The following AP4S1 variants were observed in gnomAD, a reference collection of about 807,000 sequenced individuals.
AP4S1 encodes adaptor related protein complex 4 subunit sigma 1, also known as AP-4 complex subunit sigma-1.
Under a neutral mutation model 19.8 loss-of-function variants are expected in AP4S1, and 23 were observed. The ratio of observed to expected loss-of-function variants is 1.16; its 90% CI spans 0.84 to 1.65. AP4S1 has a LOEUF of 1.65. Ranked by LOEUF, AP4S1 falls within the 40% of genes most tolerant of loss-of-function variation. AP4S1 has a pLI of 0.00. For missense variants in AP4S1, 166 were observed against 172.8 expected (o/e 0.96, Z 0.22); for synonymous variants, 46 against 54.1 (o/e 0.85, Z 0.66).
rs192279060 is a variant in AP4S1 at position 31,040,901 on chromosome 14, C to T, written c.-72+15114C>T. Among the ~76,000 whole-genome samples, 602 of 151,364 alleles carry T rather than the reference C, an allele frequency of 4.0e-3. 2 individuals are homozygous for T. Among genetic ancestry groups the T allele is most frequent in the Non-Finnish European group, 6.7e-3 (457 of 67,828 alleles). On this transcript the variant is annotated intron_variant, in intron 1 of 5. Transcript: ENST00000542754. ...AGATGTACATAACATGGTGAAACCC[C>T]GTCTCTACTAAAAATACAAAAAATT... is the stretch of plus-strand genomic sequence containing the variant.
intron 1 of AP4S1, among the ~76,000 whole-genome samples, chr14:31,055,442 A>T (rs1173709132): frequency 6.6e-6 from 1 of 152,148 alleles, no homozygotes; most frequent in African/African-American, 2.4e-5. Flanking sequence ...TACATATCCT[A>T]ACTCCTTTAA....
chr14:31,089,018 T>A (rs1888001987), intron 5 of AP4S1, among the ~76,000 whole-genome samples: 1 of 150,602 alleles, frequency 6.6e-6, no homozygotes, highest in Admixed American at 6.7e-5. Context: ...AGAAATTAGA[T>A]GGGCGTGGCA....
chr14:31,055,453 T>C (rs1433773872), intron 1 of AP4S1, among the ~76,000 whole-genome samples: 1 of 152,178 alleles, frequency 6.6e-6, no homozygotes, highest in Non-Finnish European at 1.5e-5. Flanking sequence ...ACTCCTTTAA[T>C]TCTCACAACA....
At chr14:31,029,164 T>C (rs946771253) in intron 1 of AP4S1, among the ~76,000 whole-genome samples, 3 of 152,190 alleles carry the variant, frequency 2.0e-5, no homozygotes, top group African/African-American at 7.2e-5. Context: ...CTCAGTAATA[T>C]CTTTCCTGTG....
chr14:31,062,750 G>A (rs574199205), intron 1 of AP4S1, among the ~76,000 whole-genome samples: 7 of 150,214 alleles, frequency 4.7e-5, no homozygotes, highest in South Asian at 2.1e-4. Flanking sequence ...GGCGGATCAC[G>A]AGGTCAGGAG....
intron 5 of AP4S1, among the ~76,000 whole-genome samples, chr14:31,081,466 C>T (rs763919901): frequency 1.3e-5 from 2 of 152,118 alleles, no homozygotes; most frequent in Non-Finnish European, 2.9e-5. Flanking sequence ...AAAACAAGCA[C>T]GATTTGCTTA....
intron 1 of AP4S1, chr14:31,026,104 G>A: frequency 6.6e-7 from 1 of 1,526,484 alleles, no homozygotes; most frequent in South Asian, 1.2e-5. Context: ...GAAAGGCCCA[G>A]GTTCCCCCCA....
rs1184006462 is a variant in AP4S1 at position 31,058,517 on chromosome 14, C to G, written c.-71-7609C>G. 6.5e-5 allele frequency among the ~76,000 whole-genome samples: 9 copies of G among 139,462 alleles called. No individual in the cohort carries two copies. The South Asian group carries it at 9.9e-4, about 15-fold the overall frequency. 91.5% of individuals were successfully genotyped at this position (139,462 alleles called of 152,430 possible). A position where few individuals can be genotyped will look rare whatever the true frequency, so the allele number is the denominator to read the frequency against. On this transcript the variant is annotated intron_variant, in intron 1 of 5. Transcript: ENST00000542754. ...GGTCATCAAAACATCTTCCCCATCT[C>G]TGTGTGTGTATGTGTGTGTGTGTGT...
chr14:31,082,385 A>G (rs144085607), intron 5 of AP4S1, among the ~76,000 whole-genome samples: 3 of 152,354 alleles, frequency 2.0e-5, no homozygotes, highest in African/African-American at 7.2e-5. Context: ...GAATTAAGCC[A>G]TTCAAAGCAA....
intron 1 of AP4S1, among the ~76,000 whole-genome samples, chr14:31,031,888 A>T (rs559155313): frequency 1.3e-5 from 2 of 150,786 alleles, no homozygotes; most frequent in Non-Finnish European, 2.9e-5. Context: ...ATCTTCAACA[A>T]TGCCTATTTG....
chr14:31,062,362 G>A (rs1886487499), intron 1 of AP4S1, among the ~76,000 whole-genome samples: 1 of 152,018 alleles, frequency 6.6e-6, no homozygotes, highest in Non-Finnish European at 1.5e-5. Flanking sequence ...GCCTCCCAAA[G>A]CACTGGGATT....
chr14:31,060,201 T>C (rs1886358831), intron 1 of AP4S1, among the ~76,000 whole-genome samples: 1 of 151,934 alleles, frequency 6.6e-6, no homozygotes, highest in African/African-American at 2.4e-5. Flanking sequence ...TGCACCTTTT[T>C]TTCCCACCAA....
chr14:31,071,207 T>C (rs1375396160), intron 3 of AP4S1, among the ~76,000 whole-genome samples: 2 of 152,224 alleles, frequency 1.3e-5, no homozygotes, highest in Admixed American at 6.5e-5. Flanking sequence ...AAGGATGTTT[T>C]AGATCTAACT....
intron 4 of AP4S1, chr14:31,073,283 G>T (rs558341553): frequency 2.8e-5 from 9 of 324,654 alleles, no homozygotes; most frequent in African/African-American, 1.3e-4. Context: ...AAGGTCAGGA[G>T]ATGGAGACCA....
rs1328162460 is a variant in AP4S1, at chr14:31,073,491, GA to G, written c.294+530del. Among the ~76,000 whole-genome samples, 1,320 of 140,966 alleles carry G rather than the reference GA, an allele frequency of 9.4e-3. 15 individuals are homozygous for G. The highest frequency in any genetic ancestry group is 0.026 in the African/African-American group (1,023 of 38,958). The allele number at this position is 140,966 out of a possible 152,430, so 92.5% of individuals were successfully genotyped here. ...GGCAACAGAGCGAGACTCCGTCTCAGAAAAAAAAAAAACCCTCTTATTTGTT... is the reference window on the plus strand; with the variant it reads ...GGCAACAGAGCGAGACTCCGTCTCAGAAAAAAAAAAACCCTCTTATTTGTT... On this transcript the variant is annotated intron_variant, in intron 4 of 5. Transcript: ENST00000542754.
chr14:31,035,415 T>A (rs1210364742), intron 1 of AP4S1, among the ~76,000 whole-genome samples: 10 of 151,614 alleles, frequency 6.6e-5, no homozygotes, highest in Admixed American at 4.6e-4. Flanking sequence ...ATGGTCTTGA[T>A]CTCCTGACCT....
At chr14:31,056,686 C>T (rs917690560) in intron 1 of AP4S1, among the ~76,000 whole-genome samples, 2 of 152,124 alleles carry the variant, frequency 1.3e-5, no homozygotes, top group Non-Finnish European at 2.9e-5. Context: ...TGCAGTGATT[C>T]GTTTGGCATT....
chr14:31,080,451 C>A, intron 4 of AP4S1, 122 bp from the exon 5 acceptor site: 1 of 799,304 alleles, frequency 1.3e-6, no homozygotes, highest in Non-Finnish European at 2.1e-6. Flanking sequence ...GGCCACCAAG[C>A]CCAGAAGCAG....
chr14:31,041,127 G>A (rs1224657666), intron 1 of AP4S1, among the ~76,000 whole-genome samples: 1 of 151,244 alleles, frequency 6.6e-6, no homozygotes, highest in East Asian at 1.9e-4. Flanking sequence ...CAGAATATCT[G>A]GTTTGAAATA....
Sources: allele counts gnomAD v4.1 joint callset (sites outside exome capture counted in the v4.1 genomes callset), GRCh38; gene constraint gnomAD v4.1.1; transcripts MANE v1.5; gene names NCBI Gene and HGNC (gene_info 2026-07-23, HGNC 2026-07-21).